CD160: variants seen among roughly 807,000 people sequenced by gnomAD.
The protein encoded by CD160 is CD160 molecule.
CD160 carries 11 observed loss-of-function variants against 19.2 expected under a neutral mutation model. That is an observed-to-expected ratio of 0.57 (90% CI 0.36 to 0.95). CD160 has a LOEUF of 0.95. CD160 is among the 40% of genes least tolerant of loss of function. The probability of loss-of-function intolerance (pLI) is 0.01; values close to 1 mark genes in which losing one functional copy is unlikely to be tolerated. For missense variants in CD160, 182 were observed against 213.2 expected (o/e 0.85, Z 0.91); for synonymous variants, 75 against 81.1 (o/e 0.93, Z 0.40).
At chr1:145,731,471 G>A (rs1330448325) in intron 4 of CD160, among the ~76,000 whole-genome samples, 2 of 152,156 alleles carry the variant, frequency 1.3e-5, no homozygotes, top group African/African-American at 2.4e-5. Flanking sequence ...AGGAGTTAAA[G>A]ATCAGCCTAG....
chr1:145,738,589 G>C lies in CD160; in HGVS notation c.*96G>C. 4 of 736,288 alleles carry C rather than the reference G, an allele frequency of 5.4e-6. No homozygotes were observed. The highest frequency in any genetic ancestry group is 2.7e-4 in the Middle Eastern group (1 of 3,764). 45.6% of individuals were successfully genotyped at this position (736,288 alleles called of 1,614,324 possible). A position where few individuals can be genotyped will look rare whatever the true frequency, so the allele number is the denominator to read the frequency against. ...CATTACAATAGGCACAGAGAAGAATGCAACAGGGCACAGGGGAAGAGATGC... is the reference window on the plus strand; with the variant it reads ...CATTACAATAGGCACAGAGAAGAATCCAACAGGGCACAGGGGAAGAGATGC... On this transcript the variant is annotated 3_prime_UTR_variant, in exon 6 of 6. Transcript: ENST00000369288.
At position 145,730,930 on chromosome 1, in the gene CD160, G is replaced by A. The variant is rs1553709107; in HGVS notation, c.260G>A (p.Gly87Asp). 6.2e-7 allele frequency: 1 copy of A among 1,614,094 alleles called. No individual in the cohort carries two copies. The highest frequency in any genetic ancestry group is 1.1e-5 in the South Asian group (1 of 91,080). Reference protein sequence around the residue: ...LRLKRDPGIDGVGEISSQLMF... With the variant: ...LRLKRDPGIDDVGEISSQLMF... ...CTTAAAAGGGATCCTGGGATAGATGGTGTTGGTGAAATATCATCTCAGTTG... is the reference window on the plus strand; with the variant it reads ...CTTAAAAGGGATCCTGGGATAGATGATGTTGGTGAAATATCATCTCAGTTG... The change falls in exon 4 of 6, where the codon GGT becomes GAT. Residue 87 changes from glycine to aspartate, a missense_variant. Physicochemically the swap from Gly to Asp is moderately conservative, Grantham distance 94. Transcript: ENST00000369288.
rs1553709162 is a variant in CD160, at chr1:145,731,047, A to G, written c.377A>G (p.His126Arg). 1.5e-5 allele frequency: 24 copies of G among 1,613,886 alleles called. No homozygotes were observed. The highest frequency in any genetic ancestry group is 3.3e-4 in the Middle Eastern group (2 of 6,040). ...AAGTCAGGTATCCGCCTTCAGGGCC[A>G]TTTTTTCTCCATTCTATTCACAGGT... ...SQKSGIRLQG[H>R]FFSILFTETG... is the part of the protein sequence containing the mutation. Residue 126 changes from histidine (H) to arginine (R), a missense_variant, in exon 4 of 6, where the codon CAT (histidine) becomes CGT (arginine). Physicochemically the swap from His to Arg is conservative, Grantham distance 29 (BLOSUM62 0). Coordinates refer to ENST00000369288, the MANE Select transcript of CD160 (RefSeq NM_007053.4).
rs1321681166 is a variant in CD160 at position 145,738,475 on chromosome 1, T to A, written c.539-11T>A. 2.3e-6 allele frequency: 3 copies of A among 1,323,330 alleles called. No homozygotes were observed. The highest frequency in any genetic ancestry group is 5.6e-5 in the East Asian group (2 of 35,834). The allele number at this position is 1,323,330 out of a possible 1,614,324, so 82.0% of individuals were successfully genotyped here. A position where few individuals can be genotyped will look rare whatever the true frequency, so the allele number is the denominator to read the frequency against. On this transcript the variant is annotated splice_polypyrimidine_tract_variant and intron_variant, in intron 5 of 5. Coordinates refer to ENST00000369288, the MANE Select transcript of CD160 (RefSeq NM_007053.4). ...AGTTATAAGGCAGTAATACAAACTTTCTTTCCACAGCTTTGTAAGCCTTGT... is the reference window on the plus strand; with the variant it reads ...AGTTATAAGGCAGTAATACAAACTTACTTTCCACAGCTTTGTAAGCCTTGT...
chr1:145,720,887 G>A, intron 1 of CD160, among the ~76,000 whole-genome samples: 1 of 152,332 alleles, frequency 6.6e-6, no homozygotes, highest in South Asian at 2.1e-4. Context: ...GCCTCCGAAG[G>A]TGCGGGAGGG....
In CD160 at chr1:145,738,646, C is replaced by G; in HGVS notation, c.*153C>G. 1 of 489,664 alleles carries G rather than the reference C, an allele frequency of 2.0e-6. No homozygotes were observed. Among genetic ancestry groups the G allele is most frequent in the Non-Finnish European group, 3.5e-6 (1 of 289,816 alleles). The allele number at this position is 489,664 out of a possible 1,614,324, so 30.3% of individuals were successfully genotyped here. Reference sequence around the variant, plus strand: ...TACCAAGAATCTGTGGAAATATAAGCTGGGGCAAATCAGTGTAATCCTTGA... The same window carrying G: ...TACCAAGAATCTGTGGAAATATAAGGTGGGGCAAATCAGTGTAATCCTTGA... On this transcript the variant is annotated 3_prime_UTR_variant, in exon 6 of 6. Coordinates refer to ENST00000369288, the MANE Select transcript of CD160 (RefSeq NM_007053.4).
intron 4 of CD160, among the ~76,000 whole-genome samples, chr1:145,734,686 C>G (rs960531697): frequency 2.6e-5 from 4 of 152,138 alleles, no homozygotes; most frequent in Non-Finnish European, 5.9e-5. Flanking sequence ...AAGATTCTCC[C>G]TAAGGAAGAA....
rs148311134 is a variant in CD160, at chr1:145,730,920, G to C, written c.250G>C (p.Gly84Arg). 2 of 1,614,178 alleles carry C rather than the reference G, an allele frequency of 1.2e-6. No homozygotes were observed. The highest frequency in any genetic ancestry group is 1.7e-6 in the Non-Finnish European group (2 of 1,180,008). ...LKQLRLKRDP[G>R]IDGVGEISSQ... is the part of the protein sequence containing the mutation. ...ACAGCTGAGACTTAAAAGGGATCCTGGGATAGATGGTGTTGGTGAAATATC... is the reference window on the plus strand; with the variant it reads ...ACAGCTGAGACTTAAAAGGGATCCTCGGATAGATGGTGTTGGTGAAATATC... Residue 84 changes from glycine to arginine, a missense_variant, in exon 4 of 6, where the codon GGG becomes CGG. Transcript: ENST00000369288.
At chr1:145,736,246 A>G (rs1256987258) in intron 5 of CD160, 112 bp downstream of exon 5, 1 of 1,570,676 alleles carries the variant, frequency 6.4e-7, no homozygotes, top group African/African-American at 1.3e-5. Flanking sequence ...AGGGGGAGAG[A>G]AAAATGTTAC....
At chr1:145,720,485 A>G (rs901463548) in intron 1 of CD160, among the ~76,000 whole-genome samples, 1 of 152,146 alleles carries the variant, frequency 6.6e-6, no homozygotes, top group East Asian at 1.9e-4. Flanking sequence ...GTCTACTAAC[A>G]AGTCTGGTTC....
At chr1:145,728,867 CTA>C (rs1157247964) in intron 3 of CD160, among the ~76,000 whole-genome samples, 1 of 152,250 alleles carries the variant, frequency 6.6e-6, no homozygotes, top group African/African-American at 2.4e-5. Flanking sequence ...TCTGTCTCTG[CTA>C]TATGTTTCAA....
Position 145,728,398 on chromosome 1 carries a change from G to A in CD160, c.71G>A (p.Gly24Asp). 6.2e-7 allele frequency: 1 copy of A among 1,608,892 alleles called. No individual in the cohort carries two copies. The highest frequency in any genetic ancestry group is 8.5e-7 in the Non-Finnish European group (1 of 1,175,506). Residue 24 changes from glycine (G) to aspartate (D), a missense_variant and splice_region_variant, in exon 3 of 6, where the codon GGT becomes GAT. Transcript: ENST00000369288. The part of the protein sequence containing the change: ...ILLAIVDIQS[G>D]GCINITSSAS... ...CTGGCAATTGTGGACATCCAGTCTG[G>A]TGGTGAGGATAGACCCTAGAGCAGA...
At chr1:145,732,993 A>C (rs587629937) in intron 4 of CD160, among the ~76,000 whole-genome samples, 1 of 152,342 alleles carries the variant, frequency 6.6e-6, no homozygotes, top group East Asian at 1.9e-4. Context: ...TTAGGAATAT[A>C]ATAAGACATC....
intron 2 of CD160, among the ~76,000 whole-genome samples, chr1:145,725,278 C>T (rs1657012721): frequency 6.6e-6 from 1 of 151,782 alleles, no homozygotes; most frequent in African/African-American, 2.4e-5. Context: ...ATTAGCCGAG[C>T]GCAGTGGCAG....
At chr1:145,725,317 C>T (rs952183451) in intron 2 of CD160, among the ~76,000 whole-genome samples, 5 of 151,862 alleles carry the variant, frequency 3.3e-5, no homozygotes, top group African/African-American at 9.7e-5. Flanking sequence ...ACTCGGCAGG[C>T]GCCTGTAATC....
In CD160 at chr1:145,730,964, C is replaced by T; in HGVS notation, c.294C>T (p.Thr98=). 1 of 1,614,086 alleles carries T rather than the reference C, an allele frequency of 6.2e-7. No individual in the cohort carries two copies. The highest frequency in any genetic ancestry group is 8.5e-7 in the Non-Finnish European group (1 of 1,179,976). ...VGEISSQLMF[T]ISQVTPLHSG... Reference sequence around the variant, plus strand: ...AAATATCATCTCAGTTGATGTTCACCATAAGCCAAGTCACACCGTTGCACA... The same window carrying T: ...AAATATCATCTCAGTTGATGTTCACTATAAGCCAAGTCACACCGTTGCACA... The change falls in exon 4 of 6, where the codon ACC becomes ACT. Residue 98 remains threonine (T), a synonymous_variant. Coordinates refer to ENST00000369288, the MANE Select transcript of CD160 (RefSeq NM_007053.4).
At chr1:145,734,614 T>C (rs1363749832) in intron 4 of CD160, among the ~76,000 whole-genome samples, 1 of 152,214 alleles carries the variant, frequency 6.6e-6, no homozygotes, top group African/African-American at 2.4e-5. Context: ...GAATGAGGTA[T>C]AACACAGTCC....
chr1:145,722,437 C>T (rs1553707929), intron 1 of CD160, among the ~76,000 whole-genome samples: 2 of 152,170 alleles, frequency 1.3e-5, no homozygotes, highest in Non-Finnish European at 2.9e-5. Flanking sequence ...TCCGCCTCTG[C>T]TGTGTTAGTG....
intron 4 of CD160, among the ~76,000 whole-genome samples, chr1:145,734,446 T>C (rs1657406857): frequency 6.6e-6 from 1 of 152,234 alleles, no homozygotes; most frequent in Non-Finnish European, 1.5e-5. Flanking sequence ...GAATAAAGTC[T>C]AAATTACATT....
Sources: allele counts gnomAD v4.1 joint callset (sites outside exome capture counted in the v4.1 genomes callset), GRCh38; gene constraint gnomAD v4.1.1; transcripts MANE v1.5; gene names NCBI Gene and HGNC (gene_info 2026-07-23, HGNC 2026-07-21).